Variants in ALAS2 observed in about 807,000 individuals in gnomAD.
The protein encoded by ALAS2 is 5'-aminolevulinate synthase 2, also known as 5-aminolevulinate synthase, erythroid-specific, mitochondrial.
A neutral mutation model predicts 33.7 loss-of-function variants in ALAS2; 3 were observed. The observed-to-expected ratio is 0.09, with a 90% CI of 0.04 to 0.23. The LOEUF is 0.23. Ranked by LOEUF, ALAS2 falls within the 10% of genes least tolerant of loss-of-function variation. ALAS2 has a pLI of 1.00. For missense variants in ALAS2, 304 were observed against 475.1 expected (o/e 0.64, Z 3.35); for synonymous variants, 191 against 177.3 (o/e 1.08, Z -0.61).
chrX:55,020,855 T>C (rs1396198396), intron 5 of ALAS2, among the ~76,000 whole-genome samples, 197 bp downstream of exon 5: 1 of 112,204 alleles, frequency 8.9e-6, no homozygotes, highest in Admixed American at 9.4e-5. Context: ...CTCCATAGCA[T>C]TGGACACCGA....
At chrX:55,013,109 C>T (rs1349180898) in intron 10 of ALAS2, among the ~76,000 whole-genome samples, 2 of 111,572 alleles carry the variant, frequency 1.8e-5, no homozygotes, top group African/African-American at 6.5e-5. Flanking sequence ...CTTCCATGCC[C>T]TCTTTCTTTT....
At chrX:55,014,230 T>C (rs188389823) in intron 9 of ALAS2, among the ~76,000 whole-genome samples, 128 of 112,003 alleles carry the variant, frequency 1.1e-3, no homozygotes, top group African/African-American at 4.0e-3. Context: ...GCTAATCCTA[T>C]GGCTTTTGAT....
chrX:55,029,226 C>T (rs1270651600), intron 1 of ALAS2, among the ~76,000 whole-genome samples: 2 of 111,700 alleles, frequency 1.8e-5, no homozygotes. Context: ...AATCCTGTTA[C>T]AATTTATTGT....
At chrX:55,017,190 T>G (rs1476130695) in intron 7 of ALAS2, among the ~76,000 whole-genome samples, 1 of 112,126 alleles carries the variant, frequency 8.9e-6, no homozygotes, top group African/African-American at 3.2e-5. Context: ...ACCTATAAGA[T>G]GAATGTAATA....
chrX:55,017,859 C>G (rs1935731962), intron 6 of ALAS2, among the ~76,000 whole-genome samples, 194 bp from the exon 7 acceptor site: 1 of 112,012 alleles, frequency 8.9e-6, no homozygotes, highest in Non-Finnish European at 1.9e-5. Context: ...AATTCTGACC[C>G]CTACATCCTT....
intron 6 of ALAS2, among the ~76,000 whole-genome samples, chrX:55,018,402 C>T (rs1028278850): frequency 1.8e-5 from 2 of 111,158 alleles, no homozygotes; most frequent in Non-Finnish European, 3.8e-5. Flanking sequence ...GGGATAACTT[C>T]CACCTGAGAA....
chrX:55,028,795 CTAGAGTGAG>C (rs991349376), intron 1 of ALAS2, among the ~76,000 whole-genome samples: 15 of 111,478 alleles, frequency 1.3e-4, no homozygotes, highest in Admixed American at 6.7e-4. Context: ...TACCAAGAGA[CTAGAGTGAG>C]TAAAATTGAA....
chrX:55,012,423 C>G (rs1007333853), intron 10 of ALAS2, among the ~76,000 whole-genome samples: 4 of 112,038 alleles, frequency 3.6e-5, no homozygotes, highest in Non-Finnish European at 7.5e-5. Context: ...CTCTGCTAGA[C>G]CATCAACTGC....
chrX:55,028,095 G>A (rs1316988241), intron 1 of ALAS2, among the ~76,000 whole-genome samples: 1 of 111,642 alleles, frequency 9.0e-6, no homozygotes, highest in East Asian at 2.8e-4. Context: ...CACAAGGTAG[G>A]TAAGGAATTG....
chrX:55,025,327 GTTTCTTTTCTTTTCT>G (rs763869257), intron 2 of ALAS2, among the ~76,000 whole-genome samples: 2 of 111,159 alleles, frequency 1.8e-5, no homozygotes, highest in South Asian at 3.8e-4. Context: ...CAGTGAGACT[GTTTCTTTTCTTTTCT>G]TTTCTTTTCT....
chrX:55,025,549 G>A (rs1019842016), intron 2 of ALAS2, among the ~76,000 whole-genome samples: 23 of 110,626 alleles, frequency 2.1e-4, no homozygotes, highest in South Asian at 1.2e-3. Flanking sequence ...GGCCAGGGTG[G>A]TCTTGAACTC....
chrX:55,016,133 A>G (rs1251580074), intron 7 of ALAS2, among the ~76,000 whole-genome samples: 1 of 110,496 alleles, frequency 9.1e-6, no homozygotes, highest in Non-Finnish European at 1.9e-5. Context: ...TCAGCCTAGC[A>G]TCATTTCAAT....
chrX:55,012,108 C>T lies in ALAS2; in HGVS notation c.1600+1378G>A, dbSNP rs748354685. Among the ~76,000 whole-genome samples the T allele has an allele frequency of 3.6e-5, 4 of 111,864 alleles. No homozygotes were observed. In the East Asian group the frequency reaches 1.1e-3, roughly 31 times the overall value. On this transcript the variant is annotated intron_variant, in intron 10 of 10. Coordinates refer to ENST00000650242, the MANE Select transcript of ALAS2 (RefSeq NM_000032.5). ...TTAATGTTTTTGAATGAATGAATGG[C>T]GCCTACCTAGCTTGTCTTCCTTGAA... is the stretch of plus-strand genomic sequence containing the variant.
intron 10 of ALAS2, 130 bp from the exon 11 acceptor site, chrX:55,009,473 T>A (rs1935564874): frequency 3.2e-6 from 2 of 628,079 alleles, no homozygotes; most frequent in South Asian, 3.1e-5. Flanking sequence ...AGAAGTAGCC[T>A]ACTGTTTGCT....
intron 2 of ALAS2, 116 bp downstream of exon 2, chrX:55,025,704 T>C (rs1484782601): frequency 1.3e-6 from 1 of 786,339 alleles, no homozygotes; most frequent in Non-Finnish European, 1.9e-6. Flanking sequence ...GTTCATGCTA[T>C]CTTGACACTT....
chrX:55,020,192 G>T, intron 6 of ALAS2, 128 bp downstream of exon 6: 1 of 663,165 alleles, frequency 1.5e-6, no homozygotes, highest in East Asian at 3.5e-5. Context: ...GATATGCAAG[G>T]TGGATAAGAA....
intron 9 of ALAS2, among the ~76,000 whole-genome samples, chrX:55,014,112 T>C (rs1186387158): frequency 8.9e-6 from 1 of 111,905 alleles, no homozygotes; most frequent in Non-Finnish European, 1.9e-5. Context: ...ATAAGTGTCC[T>C]TTCCCTGCCC....
At chrX:55,013,167 G>A (rs928008375) in intron 10 of ALAS2, among the ~76,000 whole-genome samples, 6 of 111,383 alleles carry the variant, frequency 5.4e-5, no homozygotes, top group African/African-American at 2.0e-4. Flanking sequence ...CCTCTACTAG[G>A]AAGTGGGTCT....
rs753553547 is a variant in ALAS2, at chrX:55,009,342, C to G, written c.1602G>C (p.Glu534Asp). 1.7e-6 allele frequency: 2 copies of G among 1,197,429 alleles called. No individual in the cohort carries two copies. Among genetic ancestry groups the G allele is most frequent in the African/African-American group, 3.5e-5 (2 of 56,744 alleles). The part of the protein sequence containing the change: ...HSPQMMEDFV[E>D]KLLLAWTAVG... ...CCGCAGTCCAAGCCAGCAGCAGCTT[C>G]TCTGAAGGTGGTAGGGGGAGGGGAG... The change falls in exon 11 of 11, where the codon GAG (glutamate) becomes GAC (aspartate). Residue 534 changes from glutamate (E) to aspartate (D), a missense_variant and splice_region_variant. Physicochemically the swap from Glu to Asp is conservative, Grantham distance 45. Around this residue, in one of 3 missense-constraint regions of ALAS2, gnomAD observed 95 missense variants for 127.0 expected, o/e 0.75. Transcript: ENST00000650242.
Sources: allele counts gnomAD v4.1 joint callset (sites outside exome capture counted in the v4.1 genomes callset), GRCh38; gene constraint gnomAD v4.1.1; regional missense constraint gnomAD v4.1.1; transcripts MANE v1.5; gene names NCBI Gene and HGNC (gene_info 2026-07-23, HGNC 2026-07-21).